TJP1: variants seen among roughly 807,000 people sequenced by gnomAD.
The protein encoded by TJP1 is tight junction protein 1.
A neutral mutation model predicts 194.2 loss-of-function variants in TJP1; 43 were observed. That is an observed-to-expected ratio of 0.22 (90% CI 0.17 to 0.29). The LOEUF is 0.29. Ranked by LOEUF, TJP1 falls within the 10% of genes least tolerant of loss-of-function variation. The pLI is 1.00. For synonymous variants in TJP1, 801 were observed against 779.0 expected (o/e 1.03, Z -0.47); for missense variants, 1,971 against 2,185.7 (o/e 0.90, Z 1.96).
intron 2 of TJP1, among the ~76,000 whole-genome samples, chr15:29,903,606 G>A (rs1596222687): frequency 6.6e-6 from 1 of 152,032 alleles, no homozygotes; most frequent in East Asian, 1.9e-4. Flanking sequence ...CACCACGCCC[G>A]GCTAATTTTT....
chr15:29,874,215 C>T (rs944242623), intron 2 of TJP1, among the ~76,000 whole-genome samples: 3 of 152,158 alleles, frequency 2.0e-5, no homozygotes, highest in South Asian at 4.1e-4. Context: ...ATAGGGCCTG[C>T]GTCATGGCTT....
intron 2 of TJP1, among the ~76,000 whole-genome samples, chr15:29,879,906 T>C (rs1449041823): frequency 6.6e-6 from 1 of 152,142 alleles, no homozygotes; most frequent in Non-Finnish European, 1.5e-5. Flanking sequence ...GAGATGAGGT[T>C]TCACCACGTC....
chr15:29,808,308 C>T (rs2049246993), intron 1 of TJP1, among the ~76,000 whole-genome samples: 1 of 152,086 alleles, frequency 6.6e-6, no homozygotes, highest in Admixed American at 6.5e-5. Context: ...GTGATCTACA[C>T]TGTTAGAAGT....
intron 2 of TJP1, among the ~76,000 whole-genome samples, chr15:29,784,740 G>A (rs984465854): frequency 1.3e-5 from 2 of 152,092 alleles, no homozygotes; most frequent in Admixed American, 6.6e-5. Flanking sequence ...CAATCAAAAT[G>A]ACGAGATACA....
chr15:29,753,590 G>A (rs2045438932), intron 8 of TJP1, among the ~76,000 whole-genome samples: 1 of 151,588 alleles, frequency 6.6e-6, no homozygotes, highest in Non-Finnish European at 1.5e-5. Context: ...CGAATGAGCA[G>A]GATAACATCC....
rs192904957 is a variant in TJP1, at chr15:29,783,983, A to T, written c.85-10626T>A. Among the ~76,000 whole-genome samples, 1,162 of 152,152 alleles carry T rather than the reference A, an allele frequency of 7.6e-3. 16 individuals are homozygous for T. Among genetic ancestry groups the T allele is most frequent in the African/African-American group, 0.027 (1,107 of 41,504 alleles). On this transcript the variant is annotated intron_variant, in intron 2 of 27. Transcript: ENST00000614355. ...TTTTAAATAAACAAATAACATTTTT[A>T]AAAAAAAGAACGCCAGAGATTTTAT...
chr15:29,874,991 A>G (rs2052648287), intron 2 of TJP1, among the ~76,000 whole-genome samples: 1 of 152,240 alleles, frequency 6.6e-6, no homozygotes, highest in Non-Finnish European at 1.5e-5. Context: ...AAAAAGAAGC[A>G]TGTATTGAAC....
In TJP1 at chr15:29,917,081, C is replaced by T. The variant is rs536605630; in HGVS notation, c.306+39151G>A. 3.3e-5 allele frequency among the ~76,000 whole-genome samples: 5 copies of T among 152,264 alleles called. No individual in the cohort carries two copies. The East Asian group carries it at 9.6e-4, about 29-fold the overall frequency. On this transcript the variant is annotated intron_variant, in intron 2 of 28. Transcript: ENST00000356107. ...AAGTATTCATTATTGTTGTTTTCTG[C>T]TTTCTTTAAGAACTGTCTCGTCCTA...
intron 1 of TJP1, among the ~76,000 whole-genome samples, chr15:29,967,188 T>C (rs975332335): frequency 1.3e-5 from 2 of 151,820 alleles, no homozygotes; most frequent in African/African-American, 4.8e-5. Context: ...TAATTTTGTA[T>C]TTTTTTGGTT....
chr15:29,744,239 A>C (rs1359500689), intron 8 of TJP1, among the ~76,000 whole-genome samples: 2 of 152,204 alleles, frequency 1.3e-5, no homozygotes, highest in African/African-American at 4.8e-5. Context: ...ACTGGTAGGG[A>C]AAGATATGGA....
At chr15:29,955,752 T>G (rs1346666605) in intron 2 of TJP1, among the ~76,000 whole-genome samples, 1 of 54,134 alleles carries the variant, frequency 1.8e-5, no homozygotes, top group Non-Finnish European at 3.4e-5. Context: ...CCCTGGCTCT[T>G]TAAAAAAAAA....
At chr15:29,964,465 A>G (rs1249493888) in intron 1 of TJP1, among the ~76,000 whole-genome samples, 4 of 152,204 alleles carry the variant, frequency 2.6e-5, no homozygotes, top group Non-Finnish European at 4.4e-5. Context: ...AGAGAAGGTC[A>G]TGTGAAGACA....
In TJP1 at chr15:29,854,167, A is replaced by G. The variant is rs568084996; in HGVS notation, c.307-53465T>C. On this transcript the variant is annotated intron_variant, in intron 2 of 28. Transcript: ENST00000356107. ...CAAAATGTAATATTTTATACACCAT[A>G]TAAAAATACCAAAAAACATCTAGCA... Among the ~76,000 whole-genome samples the G allele has an allele frequency of 3.3e-4, 50 of 152,346 alleles. 1 individual carries two copies. The South Asian group carries it at 1.0e-2, about 30-fold the overall frequency.
At chr15:29,953,140 ATTTTTTTT>A (rs71416442) in intron 2 of TJP1, among the ~76,000 whole-genome samples, 2 of 110,996 alleles carry the variant, frequency 1.8e-5, no homozygotes, top group African/African-American at 6.4e-5. Flanking sequence ...AAGAAGACAG[ATTTTTTTT>A]TTTTTTTTTT....
intron 2 of TJP1, among the ~76,000 whole-genome samples, chr15:29,795,991 T>C (rs1313358823): frequency 1.3e-5 from 2 of 151,932 alleles, no homozygotes; most frequent in Non-Finnish European, 1.5e-5. Context: ...TAAACTAAGA[T>C]AAAAGGGAAC....
At chr15:29,962,506 T>A (rs1372231455) in intron 1 of TJP1, among the ~76,000 whole-genome samples, 1 of 152,174 alleles carries the variant, frequency 6.6e-6, no homozygotes, top group Non-Finnish European at 1.5e-5. Flanking sequence ...CTACAAGATA[T>A]TTGTTTTAAG....
At chr15:29,774,719 C>CTGCA (rs1267541836) in intron 2 of TJP1, among the ~76,000 whole-genome samples, 1 of 151,844 alleles carries the variant, frequency 6.6e-6, no homozygotes, top group Non-Finnish European at 1.5e-5. Flanking sequence ...AACCAATGAA[C>CTGCA]TGCATACTTT....
chr15:29,734,309 T>C lies in TJP1; in HGVS notation c.1481A>G (p.Glu494Gly). ...CTTCTGAGCCAATATGGTCACTTCT[T>C]CTCCTTTAGGGAGGTCAAGCAGGAA... ...VLFLLDLPKG[E>G]EVTILAQKKK... The change falls in exon 12 of 28, where the codon GAA becomes GGA. Residue 494 changes from glutamate (E) to glycine (G), a missense_variant. By Grantham distance (98) the Glu-to-Gly change is moderately conservative. Transcript: ENST00000614355. 7 of 1,612,778 alleles carry C rather than the reference T, an allele frequency of 4.3e-6. No individual in the cohort carries two copies. The highest frequency in any genetic ancestry group is 5.1e-6 in the Non-Finnish European group (6 of 1,179,652).
At chr15:29,764,836 CA>C (rs2046232265) in intron 5 of TJP1, among the ~76,000 whole-genome samples, 1 of 152,066 alleles carries the variant, frequency 6.6e-6, no homozygotes, top group South Asian at 2.1e-4. Flanking sequence ...AGTTGGAACA[CA>C]AGAGTGTAAA....
Sources: gnomAD v4.1 joint callset for allele counts (sites outside exome capture counted in the v4.1 genomes callset) on GRCh38, gnomAD v4.1.1 for gene constraint, MANE v1.5 for transcripts, NCBI Gene and HGNC (gene_info 2026-07-23, HGNC 2026-07-21) for gene names.